The following EPC2 variants were observed in gnomAD, a reference collection of about 807,000 sequenced individuals.
The protein encoded by EPC2 is enhancer of polycomb homolog 2.
EPC2 carries 14 observed loss-of-function variants against 92.1 expected under a neutral mutation model. The observed-to-expected ratio is 0.15, with a 90% CI of 0.10 to 0.24. The LOEUF (loss-of-function observed/expected upper bound fraction) is 0.24. Ranked by LOEUF, EPC2 falls within the 10% of genes least tolerant of loss-of-function variation. EPC2 has a pLI of 1.00. For missense variants in EPC2, 755 were observed against 971.5 expected, an observed-to-expected ratio of 0.78 and a Z score of 2.96; for synonymous variants, 340 against 334.7, an observed-to-expected ratio of 1.02 and a Z score of -0.17.
chr2:148,739,833 C>CTTTTTTTTTTTTTTTTTTTTTTTTTTTTT (rs144868417), intron 2 of EPC2, among the ~76,000 whole-genome samples: 9 of 81,296 alleles, frequency 1.1e-4, no homozygotes, highest in Non-Finnish European at 1.1e-4. Context: ...TCTTCTTCTT[C>CTTTTTTTTTTTTTTTTTTTTTTTTTTTTT]TTTTTTTTTT....
intron 10 of EPC2, among the ~76,000 whole-genome samples, chr2:148,774,540 AG>A (rs951660317): frequency 6.6e-6 from 1 of 151,386 alleles, no homozygotes; most frequent in African/African-American, 2.4e-5. Context: ...TCTTGAGCTC[AG>A]GAAGTAGAGG....
At chr2:148,646,479 A>G (rs1457264818) in intron 1 of EPC2, among the ~76,000 whole-genome samples, 1 of 152,122 alleles carries the variant, frequency 6.6e-6, no homozygotes, top group Non-Finnish European at 1.5e-5. Context: ...TAATAGATAT[A>G]TATACACGCA....
rs543423809 is a variant in EPC2 at position 148,737,578 on chromosome 2, G to A, written c.314-6044G>A. Among the ~76,000 whole-genome samples, 106 of 152,156 alleles carry A rather than the reference G, an allele frequency of 7.0e-4. 1 individual carries two copies. Among genetic ancestry groups the A allele is most frequent in the Middle Eastern group, 3.4e-3 (1 of 294 alleles). ...TGTACTTGCCCTCAGCGTGCCTAGT[G>A]CTTCAGAGTCCACAGGCTCTCTGAA... On this transcript the variant is annotated intron_variant, in intron 2 of 13. Transcript: ENST00000258484.
At chr2:148,725,841 C>G (rs953577880) in intron 2 of EPC2, among the ~76,000 whole-genome samples, 1 of 152,028 alleles carries the variant, frequency 6.6e-6, no homozygotes, top group Non-Finnish European at 1.5e-5. Context: ...AATTTACCCT[C>G]TTAACAATTT....
At chr2:148,720,616 C>A (rs1489664393) in intron 2 of EPC2, among the ~76,000 whole-genome samples, 1 of 152,200 alleles carries the variant, frequency 6.6e-6, no homozygotes, top group African/African-American at 2.4e-5. Context: ...GGCCCCAAGG[C>A]CCTGGTGGCG....
At chr2:148,686,581 T>C (rs1335347280) in intron 1 of EPC2, among the ~76,000 whole-genome samples, 1 of 152,242 alleles carries the variant, frequency 6.6e-6, no homozygotes, top group Admixed American at 6.5e-5. Flanking sequence ...GAGGAATTTA[T>C]GGCAGCTATT....
intron 1 of EPC2, among the ~76,000 whole-genome samples, chr2:148,689,951 A>G (rs1418999259): frequency 1.3e-5 from 2 of 151,882 alleles, no homozygotes; most frequent in African/African-American, 4.8e-5. Context: ...TTGAAATTTT[A>G]TATTCTAGTT....
chr2:148,785,118 A>T, intron 13 of EPC2, 117 bp downstream of exon 13: 1 of 824,834 alleles, frequency 1.2e-6, no homozygotes, highest in Non-Finnish European at 1.8e-6. Context: ...CTTGATTTTC[A>T]ATAGATACTG....
chr2:148,768,078 T>C (rs1237128742), intron 7 of EPC2, among the ~76,000 whole-genome samples: 5 of 152,324 alleles, frequency 3.3e-5, no homozygotes, highest in East Asian at 1.9e-4. Context: ...TGGATGACCC[T>C]GCTCAGTGGT....
At position 148,731,021 on chromosome 2, in the gene EPC2, A is replaced by C. The variant is rs370970960; in HGVS notation, c.314-12601A>C. Among the ~76,000 whole-genome samples, 3 of 152,286 alleles carry C rather than the reference A, an allele frequency of 2.0e-5. No individual in the cohort carries two copies. In the East Asian group the frequency reaches 5.8e-4, roughly 29 times the overall value. On this transcript the variant is annotated intron_variant, in intron 2 of 13. Transcript: ENST00000258484. ...ATTTATATCTCTTGCAGTTAAGGAT[A>C]TCCTCTCTGCTTTCGTGTCTGTTCC... is the stretch of plus-strand genomic sequence containing the variant.
In EPC2 at chr2:148,781,640, C is replaced by A; in HGVS notation, c.1721-4C>A. The A allele has an allele frequency of 6.2e-7, 1 of 1,607,856 alleles. No homozygotes were observed. The highest frequency in any genetic ancestry group is 8.5e-7 in the Non-Finnish European group (1 of 1,177,474). On this transcript the variant is annotated splice_polypyrimidine_tract_variant and splice_region_variant and intron_variant, in intron 10 of 13. Transcript: ENST00000258484. The stretch of plus-strand genomic sequence containing the variant: ...TCATTTCCAAAATTCATGTTCTTTA[C>A]CAGTAACAGGGGGTATCACAGAAGA...
At chr2:148,742,492 C>T (rs1682897286) in intron 2 of EPC2, among the ~76,000 whole-genome samples, 1 of 152,036 alleles carries the variant, frequency 6.6e-6, no homozygotes, top group Non-Finnish European at 1.5e-5. Context: ...GTGGCTCATG[C>T]CTGTAATCCC....
At chr2:148,716,476 G>C (rs976020892) in intron 2 of EPC2, among the ~76,000 whole-genome samples, 2 of 152,190 alleles carry the variant, frequency 1.3e-5, no homozygotes, top group Non-Finnish European at 2.9e-5. Context: ...CATCTGTTGA[G>C]ATAATCATGT....
intron 2 of EPC2, among the ~76,000 whole-genome samples, chr2:148,739,830 CTTCTTTTTTTTTTTT>C (rs1682844649): frequency 1.0e-5 from 1 of 96,722 alleles, no homozygotes; most frequent in African/African-American, 3.9e-5. Flanking sequence ...TTTTCTTCTT[CTTCTTTTTTTTTTTT>C]TTTTTTTTTT....
rs56911412 is a variant in EPC2, at chr2:148,663,592, A to ATTTTTTT, written c.153+18444_153+18450dup. ...TTCCAGTTTTACTATATAGATTAAG[A>ATTTTTTT]TTTTTTTTTTTTTTTTTTTTTTTTT... On this transcript the variant is annotated intron_variant, in intron 1 of 13. Coordinates refer to ENST00000258484, the MANE Select transcript of EPC2 (RefSeq NM_015630.4). Among the ~76,000 whole-genome samples the ATTTTTTT allele has an allele frequency of 5.2e-4, 39 of 74,362 alleles. 4 individuals are homozygous for ATTTTTTT. The highest frequency in any genetic ancestry group is 2.2e-3 in the African/African-American group (39 of 17,840). The allele number at this position is 74,362 out of a possible 152,430, so 48.8% of individuals were successfully genotyped here.
chr2:148,675,080 A>G (rs1051699334), intron 1 of EPC2, among the ~76,000 whole-genome samples: 2 of 151,690 alleles, frequency 1.3e-5, no homozygotes, highest in African/African-American at 4.8e-5. Context: ...TACTCATTTT[A>G]TTTCTCTATT....
intron 1 of EPC2, among the ~76,000 whole-genome samples, chr2:148,672,370 T>C (rs944578673): frequency 6.6e-6 from 1 of 152,182 alleles, no homozygotes; most frequent in African/African-American, 2.4e-5. Context: ...GTAGATAGCA[T>C]GTGGTCGGAG....
At position 148,702,897 on chromosome 2, in the gene EPC2, ATTC is replaced by A. The variant is rs1271159103; in HGVS notation, c.313+12534_313+12536del. On this transcript the variant is annotated intron_variant, in intron 2 of 13. Coordinates refer to ENST00000258484, the MANE Select transcript of EPC2 (RefSeq NM_015630.4). ...TGTATTTTATTGGTGGCCCAAGACA[ATTC>A]TTCTTCTTCCAGTGTGGCACAGGGA... Among the ~76,000 whole-genome samples the A allele has an allele frequency of 7.2e-5, 11 of 152,202 alleles. No individual in the cohort carries two copies. In the South Asian group the frequency reaches 1.0e-3, roughly 14 times the overall value.
chr2:148,739,975 A>G (rs1231611173), intron 2 of EPC2, among the ~76,000 whole-genome samples: 1 of 150,752 alleles, frequency 6.6e-6, no homozygotes, highest in Non-Finnish European at 1.5e-5. Context: ...AGAAGTTGTC[A>G]AGTGTCCTGT....
Sources: allele counts gnomAD v4.1 joint callset (sites outside exome capture counted in the v4.1 genomes callset), GRCh38; gene constraint gnomAD v4.1.1; transcripts MANE v1.5; gene names NCBI Gene and HGNC (gene_info 2026-07-23, HGNC 2026-07-21).